Variants in PTPRF observed in about 807,000 individuals in gnomAD.
PTPRF encodes the protein receptor-type tyrosine-protein phosphatase F.
A neutral mutation model predicts 201.8 loss-of-function variants in PTPRF; 59 were observed. The observed-to-expected ratio is 0.29, with a 90% CI of 0.24 to 0.36. PTPRF has a LOEUF of 0.36. Among genes scored for constraint, PTPRF ranks in the 10% least tolerant of loss-of-function variants. The pLI is 1.00. For missense variants in PTPRF, 2,132 were observed against 2,690.5 expected, an observed-to-expected ratio of 0.79 and a Z score of 4.59; for synonymous variants, 1,088 against 1,089.7, an observed-to-expected ratio of 1.00 and a Z score of 0.03.
At chr1:43,618,965 T>G in intron 26 of PTPRF, 83 bp from the exon 27 acceptor site, 1 of 1,501,772 alleles carries the variant, frequency 6.7e-7, no homozygotes, top group Non-Finnish European at 9.0e-7. Flanking sequence ...GTGGCGGGTA[T>G]GGCCTCAGCA....
intron 5 of PTPRF, among the ~76,000 whole-genome samples, chr1:43,564,931 A>G (rs992139223): frequency 1.3e-5 from 2 of 152,040 alleles, no homozygotes; most frequent in African/African-American, 4.8e-5. Flanking sequence ...AGCTGGACAA[A>G]GAGACCTGTG....
rs377374918 is a variant in PTPRF, at chr1:43,591,901, A to G, written c.1621A>G (p.Ile541Val). The change falls in exon 10 of 34, where the codon ATC becomes GTC. Residue 541 changes from isoleucine to valine, a missense_variant. Physicochemically the swap from Ile to Val is conservative, Grantham distance 29. Around this residue, in one of 6 missense-constraint regions of PTPRF, gnomAD observed 351 missense variants for 401.7 expected, o/e 0.87. Transcript: ENST00000359947. Reference protein sequence around the residue: ...SWLLPPQERIIMYELVYWAAE... With the variant: ...SWLLPPQERIVMYELVYWAAE... ...GCTGCTGCCCCCTCAGGAGCGGATC[A>G]TCATGTATGAACTGGTGTACTGGGC... 4 of 1,613,440 alleles carry G rather than the reference A, an allele frequency of 2.5e-6. No homozygotes were observed. In the African/African-American group the frequency reaches 5.3e-5, roughly 22 times the overall value.
rs1652869378 is a variant in PTPRF, at chr1:43,598,239, G to A, written c.2119+186G>A. ...TGAGGCCCAAATCCCAGCCTTTGGGGCTGTCTCCAAAGCAGCTGAAACCTT... is the reference window on the plus strand; with the variant it reads ...TGAGGCCCAAATCCCAGCCTTTGGGACTGTCTCCAAAGCAGCTGAAACCTT... On this transcript the variant is annotated intron_variant, in intron 12 of 33. Coordinates refer to ENST00000359947, the MANE Select transcript of PTPRF (RefSeq NM_002840.5). The A allele has an allele frequency of 6.7e-6, 4 of 598,916 alleles. No homozygotes were observed. The Admixed American group carries it at 1.1e-4, about 16-fold the overall frequency. 37.1% of individuals were successfully genotyped at this position (598,916 alleles called of 1,614,324 possible).
At chr1:43,534,725 C>T (rs548932516) in intron 1 of PTPRF, among the ~76,000 whole-genome samples, 12 of 152,116 alleles carry the variant, frequency 7.9e-5, no homozygotes, top group Admixed American at 4.6e-4. Context: ...AAATGTCGGT[C>T]GGACCAAGAG....
In PTPRF at chr1:43,617,876, G is replaced by C; in HGVS notation, c.4336G>C (p.Val1446Leu). ...RMVWEQRTAT[V>L]VMMTRLEEKS... is the part of the protein sequence containing the mutation. Reference sequence around the variant, plus strand: ...GGTGTGGGAACAGCGCACGGCCACTGTGGTCATGATGACACGGCTGGAGGA... The same window carrying C: ...GGTGTGGGAACAGCGCACGGCCACTCTGGTCATGATGACACGGCTGGAGGA... Residue 1446 changes from valine (V) to leucine (L), a missense_variant, in exon 25 of 34, where the codon GTG (valine) becomes CTG (leucine). Val to Leu is a conservative substitution (Grantham distance 32). Transcript: ENST00000359947. 6.2e-7 allele frequency: 1 copy of C among 1,613,500 alleles called. No homozygotes were observed. Among genetic ancestry groups the C allele is most frequent in the South Asian group, 1.1e-5 (1 of 91,062 alleles).
chr1:43,572,743 T>C (rs540472101), intron 6 of PTPRF, among the ~76,000 whole-genome samples: 26 of 152,294 alleles, frequency 1.7e-4, no homozygotes, highest in Middle Eastern at 3.4e-3. Context: ...CTGATTCTCT[T>C]GCAGCCCTGT....
At chr1:43,621,602 G>A (rs1203915886) in intron 33 of PTPRF, among the ~76,000 whole-genome samples, 1 of 152,176 alleles carries the variant, frequency 6.6e-6, no homozygotes, top group South Asian at 2.1e-4. Context: ...TCTTTCATTC[G>A]GCAGCTCTCT....
At chr1:43,572,850 G>T (rs1336939619) in intron 6 of PTPRF, among the ~76,000 whole-genome samples, 1 of 152,140 alleles carries the variant, frequency 6.6e-6, no homozygotes, top group Non-Finnish European at 1.5e-5. Context: ...GAGCTCCCCT[G>T]TGAGATCACC....
At chr1:43,584,694 C>T (rs185194997) in intron 7 of PTPRF, among the ~76,000 whole-genome samples, 3 of 152,310 alleles carry the variant, frequency 2.0e-5, no homozygotes, top group East Asian at 3.9e-4. Flanking sequence ...TACATTTTTC[C>T]AGCTTTACTT....
chr1:43,575,424 G>T (rs527799341), intron 6 of PTPRF, among the ~76,000 whole-genome samples: 23 of 152,236 alleles, frequency 1.5e-4, no homozygotes, highest in African/African-American at 5.5e-4. Flanking sequence ...GTTGTGGGAG[G>T]CCCAGTGTGC....
upstream of PTPRF, among the ~76,000 whole-genome samples, chr1:43,529,123 G>GA (rs963510757): frequency 6.6e-6 from 1 of 151,990 alleles, no homozygotes; most frequent in Non-Finnish European, 1.5e-5. Context: ...CAAAGTTCTG[G>GA]AAAAAAAGGC....
At chr1:43,598,626 G>C (rs1298729624) in intron 12 of PTPRF, 94 bp from the exon 13 acceptor site, 2 of 1,143,546 alleles carry the variant, frequency 1.7e-6, no homozygotes, top group Admixed American at 2.1e-5. Flanking sequence ...CTGGGGGAGT[G>C]GGGTGCTGAG....
intron 23 of PTPRF, among the ~76,000 whole-genome samples, chr1:43,617,117 A>AG (rs1054044466): frequency 4.6e-5 from 7 of 151,638 alleles, no homozygotes; most frequent in African/African-American, 1.5e-4. Context: ...ACTGCCTGAG[A>AG]GGGGGCCACC....
chr1:43,595,566 C>T (rs1378570428), intron 11 of PTPRF, among the ~76,000 whole-genome samples: 2 of 152,062 alleles, frequency 1.3e-5, no homozygotes, highest in Admixed American at 1.3e-4. Flanking sequence ...TATTTAAATG[C>T]TATTGGAAAC....
rs1557886917 is a variant in PTPRF at position 43,622,436 on chromosome 1, ATTTTG to A, written c.*443_*447del. 1 of 159,838 alleles carries A rather than the reference ATTTTG, an allele frequency of 6.3e-6. No individual in the cohort carries two copies. The highest frequency in any genetic ancestry group is 2.4e-5 in the African/African-American group (1 of 41,136). 9.9% of individuals were successfully genotyped at this position (159,838 alleles called of 1,614,324 possible). On this transcript the variant is annotated 3_prime_UTR_variant, in exon 34 of 34. Coordinates refer to ENST00000359947, the MANE Select transcript of PTPRF (RefSeq NM_002840.5). The stretch of plus-strand genomic sequence containing the variant: ...TGGGCCACTGTAGGGGTTGGGGTTT[ATTTTG>A]TTTTGTTTTTTTTTTTCTTGAGTTC...
intron 23 of PTPRF, among the ~76,000 whole-genome samples, chr1:43,615,551 C>CTTTTTGTTT (rs1657562933): frequency 1.2e-5 from 1 of 84,162 alleles, no homozygotes; most frequent in Non-Finnish European, 2.2e-5. Context: ...GCTCTGTTGT[C>CTTTTTGTTT]TTTTTTTTTT....
chr1:43,567,689 C>G (rs965589782), intron 5 of PTPRF, among the ~76,000 whole-genome samples: 1 of 152,228 alleles, frequency 6.6e-6, no homozygotes, highest in Non-Finnish European at 1.5e-5. Context: ...ACCCGCCCCC[C>G]AGTCGCTCTC....
At chr1:43,529,452 A>G (rs987953016), upstream of PTPRF, among the ~76,000 whole-genome samples, 15 of 152,172 alleles carry the variant, frequency 9.9e-5, no homozygotes, top group African/African-American at 3.1e-4. Flanking sequence ...GAATCCAGGC[A>G]CCTCAACGAT....
chr1:43,552,787 AGCCCC>A (rs1414250953), intron 3 of PTPRF, among the ~76,000 whole-genome samples: 1 of 151,578 alleles, frequency 6.6e-6, no homozygotes, highest in Non-Finnish European at 1.5e-5. Flanking sequence ...GCCATGTCTG[AGCCCC>A]TACCTTTCTT....
Sources: gnomAD v4.1 joint callset for allele counts (sites outside exome capture counted in the v4.1 genomes callset) on GRCh38, gnomAD v4.1.1 for gene constraint, gnomAD v4.1.1 regional missense constraint, MANE v1.5 for transcripts, NCBI Gene and HGNC (gene_info 2026-07-23, HGNC 2026-07-21) for gene names.